CDH23: variants seen among roughly 807,000 people sequenced by gnomAD.
CDH23 encodes the protein cadherin related 23.
Under a neutral mutation model 317.1 loss-of-function variants are expected in CDH23, and 189 were observed. The observed-to-expected ratio is 0.60, with a 90% CI of 0.53 to 0.67. CDH23 has a LOEUF of 0.67. Among genes scored for constraint, CDH23 ranks in the 30% least tolerant of loss-of-function variants. The pLI is 0.00. For missense variants in CDH23, 4,401 were observed against 4,592.4 expected, an observed-to-expected ratio of 0.96 and a Z score of 1.20; for synonymous variants, 1,839 against 1,876.8, an observed-to-expected ratio of 0.98 and a Z score of 0.52.
At chr10:71,472,270 G>A (rs916318224) in intron 3 of CDH23, among the ~76,000 whole-genome samples, 2 of 152,140 alleles carry the variant, frequency 1.3e-5, no homozygotes, top group Non-Finnish European at 2.9e-5. Flanking sequence ...TTCTCTCCTC[G>A]GGTGGTAGCT....
intron 3 of CDH23, among the ~76,000 whole-genome samples, chr10:71,479,361 C>T (rs971506490): frequency 6.6e-6 from 1 of 152,196 alleles, no homozygotes; most frequent in Non-Finnish European, 1.5e-5. Context: ...AGTGTGGACA[C>T]CTTCAGGAGG....
chr10:71,729,661 G>A (rs1839289886), intron 30 of CDH23, among the ~76,000 whole-genome samples: 2 of 152,146 alleles, frequency 1.3e-5, no homozygotes, highest in Non-Finnish European at 2.9e-5. Context: ...AGAGTACTGA[G>A]CACTGACATT....
chr10:71,659,618 T>TA (rs1402704153), intron 14 of CDH23, among the ~76,000 whole-genome samples: 1 of 152,238 alleles, frequency 6.6e-6, no homozygotes, highest in Non-Finnish European at 1.5e-5. Flanking sequence ...CACGGACACT[T>TA]ATCTCCAGCA....
At chr10:71,785,152 AG>A (rs1841070449) in intron 43 of CDH23, 52 bp downstream of exon 43, 4 of 1,503,280 alleles carry the variant, frequency 2.7e-6, no homozygotes. Flanking sequence ...AGTGAAAAAG[AG>A]GACCCTGCCC....
rs1467465678 is a variant in CDH23, at chr10:71,695,490, G to T, written c.2362G>T (p.Val788Leu). ...WKDAPYYINL[V>L]EMTPPDSDVT... ...GGACGCACCCTACTACATCAACCTGGTGGAGATGACCCCTCCAGACTCTGA... is the reference window on the plus strand; with the variant it reads ...GGACGCACCCTACTACATCAACCTGTTGGAGATGACCCCTCCAGACTCTGA... Residue 788 changes from valine (V) to leucine (L), a missense_variant, in exon 22 of 70, where the codon GTG becomes TTG. By Grantham distance (32) the Val-to-Leu change is conservative. Coordinates refer to ENST00000224721, the MANE Select transcript of CDH23 (RefSeq NM_022124.6). 4 of 1,613,418 alleles carry T rather than the reference G, an allele frequency of 2.5e-6. No homozygotes were observed. Among genetic ancestry groups the T allele is most frequent in the Non-Finnish European group, 3.4e-6 (4 of 1,179,506 alleles).
At chr10:71,702,842 G>A in intron 24 of CDH23, 148 bp downstream of exon 24, 4 of 893,098 alleles carry the variant, frequency 4.5e-6, no homozygotes, top group East Asian at 2.6e-5. Context: ...GGAGGGAAGT[G>A]TGGCAGGAAA....
intron 9 of CDH23, among the ~76,000 whole-genome samples, chr10:71,589,420 A>G (rs548944685): frequency 1.3e-5 from 2 of 152,320 alleles, no homozygotes; most frequent in East Asian, 3.9e-4. Flanking sequence ...GCCCAGCCTA[A>G]AGCAATTTTT....
intron 11 of CDH23, among the ~76,000 whole-genome samples, chr10:71,627,228 C>T (rs777364976): frequency 6.6e-6 from 1 of 152,174 alleles, no homozygotes; most frequent in Non-Finnish European, 1.5e-5. Flanking sequence ...AGGGTTCCTC[C>T]CCCAAGATTT....
chr10:71,496,160 A>G (rs192172832), intron 3 of CDH23, among the ~76,000 whole-genome samples: 51 of 152,334 alleles, frequency 3.3e-4, no homozygotes, highest in Non-Finnish European at 5.9e-4. Context: ...TAGACCAATT[A>G]ATTAAGACAG....
chr10:71,582,195 C>T (rs780075152), intron 9 of CDH23, among the ~76,000 whole-genome samples: 2 of 152,206 alleles, frequency 1.3e-5, no homozygotes, highest in African/African-American at 4.8e-5. Context: ...GTTGAGAGTA[C>T]AGGCTCTGGA....
intron 1 of CDH23, among the ~76,000 whole-genome samples, chr10:71,429,243 C>A (rs1849254965): frequency 6.6e-6 from 1 of 152,186 alleles, no homozygotes; most frequent in African/African-American, 2.4e-5. Context: ...GGAAGGTCAG[C>A]AAATCTAGGC....
At chr10:71,693,909 C>T (rs1272833089) in intron 20 of CDH23, among the ~76,000 whole-genome samples, 1 of 152,122 alleles carries the variant, frequency 6.6e-6, no homozygotes, top group Non-Finnish European at 1.5e-5. Context: ...AATATTTCCT[C>T]CTCATGGGGT....
At chr10:71,523,963 C>A (rs1854864955) in intron 6 of CDH23, among the ~76,000 whole-genome samples, 1 of 152,196 alleles carries the variant, frequency 6.6e-6, no homozygotes, top group Admixed American at 6.5e-5. Context: ...CTTTGCACGG[C>A]CTTTCTACTT....
rs764937397 is a variant in CDH23, at chr10:71,677,576, C to A, written c.1635C>A (p.Gly545=). 5 of 1,610,158 alleles carry A rather than the reference C, an allele frequency of 3.1e-6. No individual in the cohort carries two copies. Among genetic ancestry groups the A allele is most frequent in the Admixed American group, 1.7e-5 (1 of 59,524 alleles). Residue 545 remains glycine (G), a synonymous_variant, in exon 16 of 70, where the codon GGC becomes GGA. Transcript: ENST00000224721. The part of the protein sequence containing the change: ...ARDGGGEETT[G]RVRINVLDVN... Reference sequence around the variant, plus strand: ...ACGGGGGCGGCGAGGAGACCACAGGCCGGGTCAGGATCAATGTGTTGGATG... The same window carrying A: ...ACGGGGGCGGCGAGGAGACCACAGGACGGGTCAGGATCAATGTGTTGGATG...
rs1199031817 is a variant in CDH23 at position 71,417,690 on chromosome 10, A to G, written c.-6+20372A>G. ...AGTGGCACAATCTCAGCTCACTGCT[A>G]TTTCCACCTCCAGGGCTCAAGCCAT... On this transcript the variant is annotated intron_variant, in intron 1 of 69. Transcript: ENST00000224721. Among the ~76,000 whole-genome samples, 3 of 152,146 alleles carry G rather than the reference A, an allele frequency of 2.0e-5. No individual in the cohort carries two copies. The East Asian group carries it at 5.8e-4, about 29-fold the overall frequency.
At chr10:71,803,661 G>C (rs1841623468) in intron 55 of CDH23, among the ~76,000 whole-genome samples, 1 of 152,028 alleles carries the variant, frequency 6.6e-6, no homozygotes, top group African/African-American at 2.4e-5. Context: ...TACTATATGG[G>C]CTGTGCTAGT....
intron 6 of CDH23, among the ~76,000 whole-genome samples, chr10:71,563,695 ACT>A (rs1156891846): frequency 2.2e-5 from 3 of 137,996 alleles, no homozygotes; most frequent in Non-Finnish European, 4.8e-5. Flanking sequence ...GCCCAAGGAG[ACT>A]CTCTTTTTTT....
intron 36 of CDH23, among the ~76,000 whole-genome samples, chr10:71,740,507 A>C (rs1053120866): frequency 5.3e-5 from 8 of 152,270 alleles, no homozygotes; most frequent in African/African-American, 1.9e-4. Flanking sequence ...AGGCTGGCAC[A>C]GCCCAGAATA....
chr10:71,693,262 G>A (rs1311628228), intron 20 of CDH23, among the ~76,000 whole-genome samples: 2 of 147,292 alleles, frequency 1.4e-5, no homozygotes, highest in Admixed American at 7.0e-5. Context: ...TTACACCAAG[G>A]AAATTGGCAA....
Sources: allele counts gnomAD v4.1 joint callset (sites outside exome capture counted in the v4.1 genomes callset), GRCh38; gene constraint gnomAD v4.1.1; transcripts MANE v1.5; gene names NCBI Gene and HGNC (gene_info 2026-07-23, HGNC 2026-07-21).